MSN: variants seen among roughly 807,000 people sequenced by gnomAD.
MSN encodes the protein epididymis luminal protein 70.
A neutral mutation model predicts 48.0 loss-of-function variants in MSN; 2 were observed. The ratio of observed to expected loss-of-function variants is 0.04; its 90% CI spans 0.02 to 0.13. The LOEUF is 0.13. Among genes scored for constraint, MSN ranks in the 10% least tolerant of loss-of-function variants. The probability of loss-of-function intolerance (pLI) is 1.00; values close to 1 mark genes in which losing one functional copy is unlikely to be tolerated. For synonymous variants in MSN, 146 were observed against 166.9 expected (o/e 0.87, Z 0.97); for missense variants, 267 against 470.1 (o/e 0.57, Z 3.99).
intron 1 of MSN, among the ~76,000 whole-genome samples, chrX:65,711,937 C>T (rs1169341185): frequency 9.0e-6 from 1 of 111,643 alleles, no homozygotes; most frequent in South Asian, 3.7e-4. Flanking sequence ...CTAAGTAAGA[C>T]GTAAACTTTG....
intron 1 of MSN, among the ~76,000 whole-genome samples, chrX:65,661,741 T>G (rs1207815349): frequency 2.7e-5 from 3 of 112,057 alleles, no homozygotes; most frequent in Non-Finnish European, 3.8e-5. Context: ...ACAAAGAGAC[T>G]GGGCACTGTG....
chrX:65,645,686 G>A (rs1485222419), intron 1 of MSN, among the ~76,000 whole-genome samples: 2 of 111,447 alleles, frequency 1.8e-5, no homozygotes, highest in Non-Finnish European at 3.8e-5. Context: ...TAGAGGAAAC[G>A]CTTGGTGAGG....
chrX:65,644,710 G>C (rs891079800), intron 1 of MSN, among the ~76,000 whole-genome samples: 1 of 111,405 alleles, frequency 9.0e-6, no homozygotes, highest in Admixed American at 9.6e-5. Context: ...CCTGGTAAGT[G>C]GGGGAAGCCA....
At chrX:65,609,206 C>A (rs1256697818) in intron 1 of MSN, among the ~76,000 whole-genome samples, 2 of 106,991 alleles carry the variant, frequency 1.9e-5, no homozygotes, top group East Asian at 3.0e-4. Context: ...CAGGCCTGGG[C>A]AAAAACCAGG....
chrX:65,627,262 G>A (rs766270227), intron 1 of MSN, among the ~76,000 whole-genome samples: 1 of 107,373 alleles, frequency 9.3e-6, no homozygotes, highest in Non-Finnish European at 1.9e-5. Flanking sequence ...TAGTCCATAT[G>A]TATTAATACA....
intron 1 of MSN, among the ~76,000 whole-genome samples, chrX:65,708,808 G>C (rs142851055): frequency 0.012 from 1,303 of 110,723 alleles, 14 homozygotes; most frequent in African/African-American, 0.041. Context: ...TCAGCCTCCT[G>C]AGTAGCTGGG....
At chrX:65,588,610 C>A in exon 1 of MSN, 1 of 798,458 alleles carries the variant, frequency 1.3e-6, no homozygotes, top group Non-Finnish European at 1.5e-6. Context: ...GCAAAACAAC[C>A]AAGTGAGTGA....
At chrX:65,725,744 GC>G (rs1402026355) in intron 2 of MSN, among the ~76,000 whole-genome samples, 1 of 111,816 alleles carries the variant, frequency 8.9e-6, no homozygotes, top group African/African-American at 3.3e-5. Context: ...AATTCTGGAA[GC>G]CTTTTGAACT....
intron 1 of MSN, among the ~76,000 whole-genome samples, chrX:65,623,631 T>G (rs2070475637): frequency 9.2e-6 from 1 of 109,200 alleles, no homozygotes; most frequent in Non-Finnish European, 1.9e-5. Flanking sequence ...GCCTACATGG[T>G]GAAACCCCGT....
At position 65,731,860 on chromosome X, in the gene MSN, C is replaced by T. The variant is rs373080134; in HGVS notation, c.574C>T (p.Leu192=). Residue 192 remains leucine (L), a synonymous_variant, in exon 6 of 13, where the codon CTG becomes TTG. Transcript: ENST00000360270. The part of the protein sequence containing the change: ...MLREDAVLEY[L]KIAQDLEMYG... ...TAGGGAGGATGCTGTCCTGGAATAT[C>T]TGAAGATTGCTCAAGATCTGGAGAT... 2.5e-6 allele frequency: 3 copies of T among 1,207,226 alleles called. No individual in the cohort carries two copies. The African/African-American group carries it at 5.3e-5, about 21-fold the overall frequency.
chrX:65,588,654 G>A, intron 1 of MSN: 1 of 790,328 alleles, frequency 1.3e-6, no homozygotes, highest in Admixed American at 7.8e-5. Context: ...AGAGGTTCCT[G>A]GACAGGAAGT....
chrX:65,617,041 C>A (rs1048068153), intron 1 of MSN, among the ~76,000 whole-genome samples: 6 of 107,914 alleles, frequency 5.6e-5, no homozygotes, highest in South Asian at 3.8e-4. Context: ...CCAGCCTTGC[C>A]TCCCAGGGAT....
At chrX:65,623,024 T>C (rs890741309) in intron 1 of MSN, among the ~76,000 whole-genome samples, 3 of 111,935 alleles carry the variant, frequency 2.7e-5, no homozygotes, top group Non-Finnish European at 5.6e-5. Context: ...GGGTTTTTCC[T>C]CTTCCTTCTT....
chrX:65,737,361 G>A (rs199598247), intron 10 of MSN, 23 bp downstream of exon 10: 29 of 1,189,746 alleles, frequency 2.4e-5, no homozygotes, highest in Non-Finnish European at 2.8e-5. Flanking sequence ...GGTGGGCTGG[G>A]ATTATGGGAA....
intron 2 of MSN, among the ~76,000 whole-genome samples, chrX:65,724,661 G>GT (rs1308440147): frequency 9.8e-6 from 1 of 102,153 alleles, no homozygotes; most frequent in African/African-American, 4.6e-5. Flanking sequence ...TCCATTTTAT[G>GT]TTTGTTTTGT....
At chrX:65,659,962 T>G (rs2070809575) in intron 1 of MSN, among the ~76,000 whole-genome samples, 1 of 106,925 alleles carries the variant, frequency 9.4e-6, no homozygotes, top group Admixed American at 1.0e-4. Context: ...AGGATCACAG[T>G]AGGGGGTAAG....
At position 65,599,362 on chromosome X, in the gene MSN, C is replaced by T. The variant is rs2070213253; in HGVS notation, c.-22+10750C>T. 2.7e-5 allele frequency among the ~76,000 whole-genome samples: 3 copies of T among 111,653 alleles called. No individual in the cohort carries two copies. In the South Asian group the frequency reaches 1.1e-3, roughly 42 times the overall value. Reference sequence around the variant, plus strand: ...AAAAAATTCAAAGTAAGGCTGGGTGCAGTGGCTCACGCCCATAATCCCAGC... The same window carrying T: ...AAAAAATTCAAAGTAAGGCTGGGTGTAGTGGCTCACGCCCATAATCCCAGC... On this transcript the variant is annotated intron_variant, in intron 1 of 3. Transcript: ENST00000609672.
At chrX:65,603,229 G>C (rs1407171592) in intron 1 of MSN, among the ~76,000 whole-genome samples, 6 of 111,983 alleles carry the variant, frequency 5.4e-5, no homozygotes, top group African/African-American at 1.9e-4. Flanking sequence ...GGGAGGTGTA[G>C]GTTGCAGCAA....
upstream of MSN, among the ~76,000 whole-genome samples, chrX:65,663,582 A>G: frequency 8.9e-6 from 1 of 111,965 alleles, no homozygotes; most frequent in East Asian, 2.8e-4. Flanking sequence ...ACAGAGCTAC[A>G]TTTGTTCCAG....
Sources: gnomAD v4.1 joint callset for allele counts (sites outside exome capture counted in the v4.1 genomes callset) on GRCh38, gnomAD v4.1.1 for gene constraint, MANE v1.5 for transcripts, NCBI Gene and HGNC (gene_info 2026-07-23, HGNC 2026-07-21) for gene names.